DDX27: variants seen among roughly 807,000 people sequenced by gnomAD.
The protein encoded by DDX27 is probable ATP-dependent RNA helicase DDX27.
Under a neutral mutation model 99.3 loss-of-function variants are expected in DDX27, and 42 were observed. The ratio of observed to expected loss-of-function variants is 0.42; its 90% CI spans 0.33 to 0.55. The LOEUF (loss-of-function observed/expected upper bound fraction) is 0.55, where lower values mean the gene tolerates loss of function less well. Among genes scored for constraint, DDX27 ranks in the 20% least tolerant of loss-of-function variants. The pLI, the probability that DDX27 is intolerant of heterozygous loss-of-function variation, is 0.07. For synonymous variants in DDX27, 329 were observed against 353.8 expected, an observed-to-expected ratio of 0.93 and a Z score of 0.79; for missense variants, 798 against 976.8, an observed-to-expected ratio of 0.82 and a Z score of 2.44.
At chr20:49,239,925 C>T (rs908868137) in intron 16 of DDX27, among the ~76,000 whole-genome samples, 12 of 152,024 alleles carry the variant, frequency 7.9e-5, no homozygotes, top group Admixed American at 7.9e-4. Context: ...TAAGGATGAA[C>T]CTTGAAAATC....
intron 6 of DDX27, 129 bp downstream of exon 6, chr20:49,225,328 A>T: frequency 1.2e-6 from 1 of 805,724 alleles, no homozygotes; most frequent in Non-Finnish European, 2.1e-6. Flanking sequence ...GATTTGAGCC[A>T]CTGTGCCTGG....
chr20:49,242,022 C>T lies in DDX27; in HGVS notation c.1992+35C>T, dbSNP rs751782515. 34 of 1,613,586 alleles carry T rather than the reference C, an allele frequency of 2.1e-5. No homozygotes were observed. The South Asian group carries it at 2.7e-4, about 13-fold the overall frequency. On this transcript the variant is annotated intron_variant, in intron 17 of 20. Transcript: ENST00000618172. ...CTCCCTTTTGGAGTTTGGGCCCACT[C>T]GGTGGGGTGGGTCAGAGTGGCCTGG...
In DDX27 at chr20:49,225,002, G is replaced by A; in HGVS notation, c.513+11G>A. On this transcript the variant is annotated intron_variant, in intron 5 of 20. Transcript: ENST00000618172. ...AAGAAGAAAGGACAGGTGAGCTTGG[G>A]GCTGCAAGACAGTATGCAGCTTGTT... 6.2e-7 allele frequency: 1 copy of A among 1,614,132 alleles called. No homozygotes were observed. Among genetic ancestry groups the A allele is most frequent in the Non-Finnish European group, 8.5e-7 (1 of 1,180,018 alleles).
At chr20:49,220,681 C>T (rs920446218) in intron 1 of DDX27, among the ~76,000 whole-genome samples, 5 of 152,216 alleles carry the variant, frequency 3.3e-5, no homozygotes, top group Non-Finnish European at 7.3e-5. Flanking sequence ...CAGCCCGCTG[C>T]GTGGGAGGTC....
rs202187886 is a variant in DDX27, at chr20:49,228,768, C to T, written c.760C>T (p.Arg254Cys). The change falls in exon 8 of 21, where the codon CGC (arginine) becomes TGC (cysteine). Residue 254 changes from arginine (R) to cysteine (C), a missense_variant. Arg to Cys is a radical substitution (Grantham distance 180). Coordinates refer to ENST00000618172, the MANE Select transcript of DDX27 (RefSeq NM_017895.8). ...TTTGGAGCGTCTGATTTATAAACCC[C>T]GCCAGGCTCCAGTCACCCGCGTGCT... is the stretch of plus-strand genomic sequence containing the variant. ...PVLERLIYKPRQAPVTRVLVL... is the reference protein window; with the variant it reads ...PVLERLIYKPCQAPVTRVLVL... 47 of 1,612,950 alleles carry T rather than the reference C, an allele frequency of 2.9e-5. No individual in the cohort carries two copies. Among genetic ancestry groups the T allele is most frequent in the South Asian group, 7.7e-5 (7 of 90,976 alleles).
rs974325217 is a variant in DDX27 at position 49,243,626 on chromosome 20, C to T, written c.2205-3C>T. 6.2e-7 allele frequency: 1 copy of T among 1,613,994 alleles called. No individual in the cohort carries two copies. Among genetic ancestry groups the T allele is most frequent in the African/African-American group, 1.3e-5 (1 of 74,930 alleles). On this transcript the variant is annotated splice_region_variant and splice_polypyrimidine_tract_variant and intron_variant, in intron 19 of 20. Transcript: ENST00000618172. ...CATTTCAGCATGTCATCTTCTCTCA[C>T]AGCCCTTCCTTTGAAGAAAGGAAAC... is the stretch of plus-strand genomic sequence containing the variant.
intron 12 of DDX27, chr20:49,235,323 G>A: frequency 2.4e-6 from 1 of 415,262 alleles, no homozygotes; most frequent in Admixed American, 4.2e-5. Flanking sequence ...CCTAGCATGG[G>A]AGCTGTTGTG....
At chr20:49,238,556 G>A (rs370237084) in intron 14 of DDX27, 3 of 182,590 alleles carry the variant, frequency 1.6e-5, no homozygotes, top group East Asian at 1.6e-4. Flanking sequence ...CCTCCGCCTC[G>A]TGGGTTCAAG....
chr20:49,240,497 G>A (rs1354746556), intron 16 of DDX27, among the ~76,000 whole-genome samples: 1 of 152,022 alleles, frequency 6.6e-6, no homozygotes, highest in Non-Finnish European at 1.5e-5. Flanking sequence ...GCGCAATCTC[G>A]GCTCACTGCA....
At chr20:49,240,600 TG>T (rs1980446129) in intron 16 of DDX27, among the ~76,000 whole-genome samples, 1 of 152,192 alleles carries the variant, frequency 6.6e-6, no homozygotes, top group South Asian at 2.1e-4. Flanking sequence ...GGTAATTTTT[TG>T]TATTTTTAGT....
In DDX27 at chr20:49,236,987, A is replaced by G. The variant is rs937397952; in HGVS notation, c.1687+477A>G. 2.0e-5 allele frequency among the ~76,000 whole-genome samples: 3 copies of G among 152,158 alleles called. No homozygotes were observed. Among genetic ancestry groups the G allele is most frequent in the Admixed American group, 2.0e-4 (3 of 15,264 alleles). On this transcript the variant is annotated intron_variant, in intron 14 of 20. Transcript: ENST00000618172. This position sits in a 1 kb window ranked among gnomAD's most constrained non-coding sequence, Gnocchi z 4.1. ...TTCTGCCTCCCAAAGTGCCGGGATT[A>G]ACAGTAATGAGCCACCATGCCCAGC...
chr20:49,232,214 G>A (rs1448150498), intron 9 of DDX27, among the ~76,000 whole-genome samples: 1 of 152,140 alleles, frequency 6.6e-6, no homozygotes, highest in Non-Finnish European at 1.5e-5. Flanking sequence ...TTTTTGTGGA[G>A]ATGAGGTTTT....
chr20:49,219,603 GGTCCCT>G, intron 1 of DDX27, 62 bp downstream of exon 1: 1 of 1,505,260 alleles, frequency 6.6e-7, no homozygotes, highest in Non-Finnish European at 9.0e-7. Flanking sequence ...CGATTCCTCA[GGTCCCT>G]GTCCCCGAAT....
Position 49,219,493 on chromosome 20 carries a change from C to G in DDX27, c.45C>G (p.Asp15Glu), listed in dbSNP as rs1475643726. The G allele has an allele frequency of 1.2e-5, 20 of 1,613,872 alleles. No homozygotes were observed. Among genetic ancestry groups the G allele is most frequent in the Non-Finnish European group, 1.7e-5 (20 of 1,179,976 alleles). Residue 15 changes from aspartate to glutamate, a missense_variant, in exon 1 of 21, where the codon GAC becomes GAG. Asp to Glu is a conservative substitution (Grantham distance 45, BLOSUM62 2). Transcript: ENST00000618172. ...TAATCGGAACCATAGGCGAGGATGA[C>G]GAGGTGCCGGTGGAGCCCGAGTCTG... is the stretch of plus-strand genomic sequence containing the variant. ...LGLIGTIGED[D>E]EVPVEPESDS... is the part of the protein sequence containing the mutation.
intron 7 of DDX27, among the ~76,000 whole-genome samples, chr20:49,228,501 G>T (rs574159683): frequency 6.6e-6 from 1 of 152,254 alleles, no homozygotes; most frequent in South Asian, 2.1e-4. Flanking sequence ...TTGAACTCCT[G>T]ACCTCAGGTG....
At chr20:49,239,432 T>C in intron 16 of DDX27, 94 bp downstream of exon 16, 1 of 900,914 alleles carries the variant, frequency 1.1e-6, no homozygotes, top group Non-Finnish European at 1.7e-6. Context: ...AAAGCAGCGG[T>C]CCCCAACCTT....
intron 9 of DDX27, chr20:49,232,813 G>T (rs1044920366): frequency 7.6e-5 from 12 of 157,114 alleles, no homozygotes; most frequent in Non-Finnish European, 1.2e-4. Flanking sequence ...GGTGGTGCAT[G>T]CCTGTAATCC....
chr20:49,237,434 T>G (rs1980342428), intron 14 of DDX27, among the ~76,000 whole-genome samples: 1 of 152,250 alleles, frequency 6.6e-6, no homozygotes, highest in African/African-American at 2.4e-5. Flanking sequence ...TAGGTGTATG[T>G]CTTTTCAAAC....
At chr20:49,240,909 G>A (rs1490432907) in intron 16 of DDX27, among the ~76,000 whole-genome samples, 1 of 152,100 alleles carries the variant, frequency 6.6e-6, no homozygotes, top group Non-Finnish European at 1.5e-5. Context: ...AACTACTTGA[G>A]AGGCTGAGGT....
Sources: allele counts gnomAD v4.1 joint callset (sites outside exome capture counted in the v4.1 genomes callset), GRCh38; gene constraint gnomAD v4.1.1; non-coding constraint Gnocchi (gnomAD v3.1); transcripts MANE v1.5; gene names NCBI Gene and HGNC (gene_info 2026-07-23, HGNC 2026-07-21).